The following NDUFA9 variants were observed in gnomAD, a reference collection of about 807,000 sequenced individuals.
The protein encoded by NDUFA9 is NADH dehydrogenase [ubiquinone] 1 alpha subcomplex subunit 9, mitochondrial.
Under a neutral mutation model 45.9 loss-of-function variants are expected in NDUFA9, and 23 were observed. The ratio of observed to expected loss-of-function variants is 0.50; its 90% CI spans 0.36 to 0.71. The LOEUF (loss-of-function observed/expected upper bound fraction) is 0.71, where lower values mean the gene tolerates loss of function less well. Among genes scored for constraint, NDUFA9 ranks in the 30% least tolerant of loss-of-function variants. The pLI is 0.00. For synonymous variants in NDUFA9, 176 were observed against 170.5 expected (o/e 1.03, Z -0.25); for missense variants, 466 against 488.2 (o/e 0.95, Z 0.43).
rs1441899058 is a variant in NDUFA9, at chr12:4,661,212, G to A, written c.553-1321G>A. Among the ~76,000 whole-genome samples the A allele has an allele frequency of 2.0e-5, 3 of 152,142 alleles. No homozygotes were observed. In the East Asian group the frequency reaches 5.8e-4, roughly 29 times the overall value. ...AATTGTGCTTTATATACCGGGGTTT[G>A]TAGATTTAGTGGTGAGAACTTGAGG... On this transcript the variant is annotated intron_variant, in intron 5 of 10. Transcript: ENST00000266544.
chr12:4,671,839 A>G (rs978775920), intron 8 of NDUFA9, among the ~76,000 whole-genome samples: 1 of 152,200 alleles, frequency 6.6e-6, no homozygotes, highest in Non-Finnish European at 1.5e-5. Context: ...TGGTTTTGGG[A>G]TATCCACATT....
At chr12:4,649,394 T>G (rs574623567) in intron 1 of NDUFA9, among the ~76,000 whole-genome samples, 1 of 152,212 alleles carries the variant, frequency 6.6e-6, no homozygotes, top group South Asian at 2.1e-4. Flanking sequence ...CAAAAGATCT[T>G]AAGCAGCTGT....
At chr12:4,657,642 C>T (rs1241251637) in intron 3 of NDUFA9, 106 bp from the exon 4 acceptor site, 5 of 783,096 alleles carry the variant, frequency 6.4e-6, no homozygotes, top group Non-Finnish European at 1.1e-5. Flanking sequence ...TATATTATGA[C>T]TACAGCAGAT....
At chr12:4,684,879 G>T (rs1945975801) in intron 9 of NDUFA9, 1 of 523,554 alleles carries the variant, frequency 1.9e-6, no homozygotes, top group Non-Finnish European at 3.4e-6. Context: ...CATTCAGCTT[G>T]CCCTGCTTCT....
intron 8 of NDUFA9, among the ~76,000 whole-genome samples, chr12:4,670,878 A>G (rs1465874133): frequency 6.6e-6 from 1 of 152,234 alleles, no homozygotes; most frequent in East Asian, 1.9e-4. Flanking sequence ...TTCAGGGAAT[A>G]AATGAGCGGA....
In NDUFA9 at chr12:4,685,811, A is replaced by G. The variant is rs12296168; in HGVS notation, c.963+486A>G. ...TCCAGTCTCCTTGCTGCCACATCCA[A>G]TGGTCAGTTCTCAGACCTCATGTCA... On this transcript the variant is annotated intron_variant, in intron 10 of 10. Transcript: ENST00000266544. 3.0e-3 allele frequency among the ~76,000 whole-genome samples: 450 copies of G among 152,238 alleles called. 1 individual carries two copies. The highest frequency in any genetic ancestry group is 0.01 in the African/African-American group (423 of 41,540).
At chr12:4,656,385 T>C (rs1002624554) in intron 3 of NDUFA9, among the ~76,000 whole-genome samples, 2 of 152,250 alleles carry the variant, frequency 1.3e-5, no homozygotes, top group Non-Finnish European at 2.9e-5. Flanking sequence ...TGAAAACTTT[T>C]GAACCATTGG....
At chr12:4,682,463 G>GT (rs993828080) in intron 9 of NDUFA9, among the ~76,000 whole-genome samples, 163 bp downstream of exon 9, 5 of 151,936 alleles carry the variant, frequency 3.3e-5, no homozygotes, top group African/African-American at 1.2e-4. Context: ...ATTAGTGTTG[G>GT]TTAAAAAAAA....
intron 8 of NDUFA9, among the ~76,000 whole-genome samples, chr12:4,678,284 A>T (rs75711142): frequency 2.7e-5 from 4 of 148,378 alleles, no homozygotes; most frequent in Admixed American, 6.7e-5. Flanking sequence ...AAGTATAATT[A>T]AAAAAAAAAT....
intron 6 of NDUFA9, among the ~76,000 whole-genome samples, chr12:4,664,186 A>C (rs964502634): frequency 3.9e-5 from 6 of 152,242 alleles, no homozygotes; most frequent in Non-Finnish European, 7.3e-5. Context: ...TCCATATTGC[A>C]AAAAATGAGA....
At chr12:4,681,120 G>A (rs942471835) in intron 8 of NDUFA9, among the ~76,000 whole-genome samples, 13 of 151,812 alleles carry the variant, frequency 8.6e-5, no homozygotes, top group African/African-American at 2.9e-4. Context: ...ACAAAAATAC[G>A]TCACAGAAGG....
In NDUFA9 at chr12:4,687,090, C is replaced by G; in HGVS notation, c.1116C>G (p.Ala372=). 1.9e-6 allele frequency: 3 copies of G among 1,614,146 alleles called. 1 individual carries two copies. Among genetic ancestry groups the G allele is most frequent in the South Asian group, 2.2e-5 (2 of 91,062 alleles). ...LSAEIEDVKP[A]KTVNI ...CTGAAATTGAGGATGTGAAGCCGGC[C>G]AAGACCGTCAACATTTAGTGCCTCC... Residue 372 remains alanine, a synonymous_variant, in exon 11 of 11, where the codon GCC becomes GCG. Coordinates refer to ENST00000266544, the MANE Select transcript of NDUFA9 (RefSeq NM_005002.5).
At chr12:4,665,412 T>C (rs1354921519) in intron 6 of NDUFA9, among the ~76,000 whole-genome samples, 1 of 152,242 alleles carries the variant, frequency 6.6e-6, no homozygotes, top group Non-Finnish European at 1.5e-5. Flanking sequence ...CGTGATGTGA[T>C]TTCCTTCCTA....
chr12:4,666,999 G>A (rs1486534515), intron 6 of NDUFA9, among the ~76,000 whole-genome samples: 1 of 152,116 alleles, frequency 6.6e-6, no homozygotes, highest in African/African-American at 2.4e-5. Flanking sequence ...TCCATTTTGG[G>A]GTACAACAAA....
chr12:4,654,409 C>T lies in NDUFA9; in HGVS notation c.167C>T (p.Ala56Val), dbSNP rs200951099. The part of the protein sequence containing the change: ...GGRSSVSGIV[A>V]TVFGATGFLG... The stretch of plus-strand genomic sequence containing the variant: ...CGTTCCTCAGTCAGTGGGATTGTGG[C>T]CACTGTGTTTGGAGCAACAGGATTC... Residue 56 changes from alanine (A) to valine (V), a missense_variant, in exon 2 of 11, where the codon GCC (alanine) becomes GTC (valine). Coordinates refer to ENST00000266544, the MANE Select transcript of NDUFA9 (RefSeq NM_005002.5). 4.5e-4 allele frequency: 719 copies of T among 1,613,996 alleles called. 2 individuals carry two copies. The highest frequency in any genetic ancestry group is 2.3e-5 in the Non-Finnish European group (27 of 1,180,008).
At chr12:4,678,242 CTGTACGTTCTGCACA>C (rs1053377093) in intron 8 of NDUFA9, among the ~76,000 whole-genome samples, 1 of 151,692 alleles carries the variant, frequency 6.6e-6, no homozygotes, top group Non-Finnish European at 1.5e-5. Context: ...TGTAACAAAC[CTGTACGTTCTGCACA>C]TGTACCCCAG....
intron 6 of NDUFA9, among the ~76,000 whole-genome samples, chr12:4,664,289 G>A (rs1464541329): frequency 6.6e-6 from 1 of 152,190 alleles, no homozygotes; most frequent in Non-Finnish European, 1.5e-5. Flanking sequence ...AAGCTATCTT[G>A]GCAGAAGCCA....
chr12:4,662,988 C>T (rs1945832349), intron 6 of NDUFA9, among the ~76,000 whole-genome samples: 1 of 152,138 alleles, frequency 6.6e-6, no homozygotes, highest in Non-Finnish European at 1.5e-5. Context: ...CCCTCCTACC[C>T]ACCCCTAACC....
intron 8 of NDUFA9, among the ~76,000 whole-genome samples, chr12:4,675,169 G>A (rs750712084): frequency 1.3e-5 from 2 of 152,198 alleles, no homozygotes; most frequent in Non-Finnish European, 2.9e-5. Context: ...TTAAAACAGT[G>A]TGTAGAGGGA....
Sources: gnomAD v4.1 joint callset for allele counts (sites outside exome capture counted in the v4.1 genomes callset) on GRCh38, gnomAD v4.1.1 for gene constraint, MANE v1.5 for transcripts, NCBI Gene and HGNC (gene_info 2026-07-23, HGNC 2026-07-21) for gene names.